NME9: variants seen among roughly 807,000 people sequenced by gnomAD.
The protein encoded by NME9 is thioredoxin domain-containing protein 6.
In NME9, 48 loss-of-function variants were observed where a neutral mutation model predicts 44.4. The observed-to-expected ratio is 1.08, with a 90% CI of 0.86 to 1.37. The LOEUF is 1.37. Ranked by LOEUF, NME9 falls within the 40% of genes most tolerant of loss-of-function variation. The probability of loss-of-function intolerance (pLI) is 0.00; values close to 1 mark genes in which losing one functional copy is unlikely to be tolerated. For missense variants in NME9, 325 were observed against 405.2 expected, an observed-to-expected ratio of 0.80 and a Z score of 1.70; for synonymous variants, 139 against 147.1, an observed-to-expected ratio of 0.94 and a Z score of 0.40.
downstream of NME9, among the ~76,000 whole-genome samples, chr3:138,300,152 T>C (rs549707274): frequency 3.9e-5 from 6 of 152,244 alleles, no homozygotes; most frequent in East Asian, 5.8e-4. Flanking sequence ...GTTGGGCACA[T>C]TGAGATCCTG....
At chr3:138,291,166 C>T (rs904270313) in intron 8 of NME9, among the ~76,000 whole-genome samples, 1 of 152,178 alleles carries the variant, frequency 6.6e-6, no homozygotes, top group Non-Finnish European at 1.5e-5. Context: ...GTGTGTTCTC[C>T]CTTGTAACAG....
chr3:138,306,145 C>T, intron 7 of NME9, 49 bp from the exon 8 acceptor site: 1 of 1,310,402 alleles, frequency 7.6e-7, no homozygotes, highest in Non-Finnish European at 1.1e-6. Flanking sequence ...AGCCCAAATT[C>T]ACATTGATTA....
chr3:138,302,320 A>C (rs1030835803), intron 10 of NME9, among the ~76,000 whole-genome samples: 2 of 152,188 alleles, frequency 1.3e-5, no homozygotes, highest in Non-Finnish European at 2.9e-5. Flanking sequence ...GAGGCCAAAA[A>C]GTCAGTCTCA....
At chr3:138,290,531 G>T (rs1434150388) in intron 8 of NME9, 2 of 1,578,796 alleles carry the variant, frequency 1.3e-6, no homozygotes, top group Non-Finnish European at 1.7e-6. Flanking sequence ...CAGTAACCTG[G>T]CTTTAATCGT....
rs2053980954 is a variant in NME9 at position 138,329,290 on chromosome 3, C to G, written c.33+13G>C. The G allele has an allele frequency of 6.5e-7, 1 of 1,535,554 alleles. No individual in the cohort carries two copies. Among genetic ancestry groups the G allele is most frequent in the African/African-American group, 1.4e-5 (1 of 73,034 alleles). ...CAACCCAGAGCTGGAAGCTAGCGCC[C>G]CTTGAGGCTTACCTGCAGGGCAATT... On this transcript the variant is annotated intron_variant, in intron 1 of 10. Coordinates refer to ENST00000333911, the MANE Select transcript of NME9 (RefSeq NM_001349018.2).
At chr3:138,289,232 C>A in intron 8 of NME9, 1 of 786,256 alleles carries the variant, frequency 1.3e-6, no homozygotes. Context: ...CTTGGACCAT[C>A]TGGCCCAAGC....
chr3:138,291,117 C>CA (rs2050903578), intron 8 of NME9, among the ~76,000 whole-genome samples: 1 of 152,234 alleles, frequency 6.6e-6, no homozygotes, highest in Admixed American at 6.5e-5. Context: ...ATCAGATACT[C>CA]AGCTAACCTC....
At chr3:138,272,723 A>G (rs1041112044) in intron 8 of NME9, among the ~76,000 whole-genome samples, 6 of 152,100 alleles carry the variant, frequency 3.9e-5, no homozygotes, top group African/African-American at 1.4e-4. Context: ...AAAGATACAA[A>G]AATTAGCCAG....
chr3:138,290,105 G>A (rs1165568731), intron 8 of NME9, among the ~76,000 whole-genome samples: 2 of 152,352 alleles, frequency 1.3e-5, no homozygotes, highest in Non-Finnish European at 2.9e-5. Context: ...GCAACAAAAA[G>A]TGCTGGGAGG....
At chr3:138,315,476 C>T in intron 5 of NME9, 51 bp downstream of exon 5, 2 of 1,252,738 alleles carry the variant, frequency 1.6e-6, no homozygotes, top group Non-Finnish European at 2.2e-6. Context: ...CTGATCTCGC[C>T]CTACTAGCGC....
chr3:138,306,110 A>G lies in NME9; in HGVS notation c.544-14T>C, dbSNP rs758815171. ...AGCTTCCTGAATCTGTAGAATATAT[A>G]TAAATATTCTAAAAGGGTAAATCAA... On this transcript the variant is annotated splice_polypyrimidine_tract_variant and intron_variant, in intron 7 of 10. Transcript: ENST00000333911. 3.2e-6 allele frequency: 5 copies of G among 1,550,004 alleles called. No individual in the cohort carries two copies. The African/African-American group carries it at 4.1e-5, about 13-fold the overall frequency.
intron 9 of NME9, among the ~76,000 whole-genome samples, chr3:138,304,388 G>C (rs1292063847): frequency 1.3e-5 from 2 of 152,206 alleles, no homozygotes; most frequent in African/African-American, 4.8e-5. Flanking sequence ...CAAGTCCAAG[G>C]AGCAGGCCAA....
At chr3:138,284,549 C>T (rs77176250) in intron 8 of NME9, 41,798 of 1,533,824 alleles carry the variant, frequency 0.027, 782 homozygotes, top group South Asian at 0.071. Flanking sequence ...CCCCTTTCAC[C>T]GTAGGATTAG....
chr3:138,297,722 A>G (rs889516567), downstream of NME9: 1 of 152,220 alleles, frequency 6.6e-6, no homozygotes, highest in Non-Finnish European at 1.5e-5. Context: ...CAGATATCAG[A>G]GTGCTAATGT....
Position 138,289,060 on chromosome 3 carries a change from G to A in NME9, c.745+14447C>T, listed in dbSNP as rs758554986. ...TCTGTATTAATAGGGCCATTCACATGTTAAACTGCAGCTTGCAGCCATGTT... is the reference window on the plus strand; with the variant it reads ...TCTGTATTAATAGGGCCATTCACATATTAAACTGCAGCTTGCAGCCATGTT... On this transcript the variant is annotated intron_variant, in intron 8 of 8. Transcript: ENST00000317876. 1.9e-6 allele frequency: 3 copies of A among 1,612,770 alleles called. No homozygotes were observed. In the South Asian group the frequency reaches 3.3e-5, roughly 18 times the overall value.
At chr3:138,273,886 C>T (rs533783797) in intron 8 of NME9, among the ~76,000 whole-genome samples, 15 of 151,708 alleles carry the variant, frequency 9.9e-5, no homozygotes, top group South Asian at 6.3e-4. Flanking sequence ...GCACAGTCTC[C>T]GGTCATTGCA....
intron 9 of NME9, 120 bp downstream of exon 9, chr3:138,304,752 AG>A (rs1206193002): frequency 3.1e-6 from 3 of 962,098 alleles, no homozygotes; most frequent in Non-Finnish European, 4.8e-6. Flanking sequence ...TATAATAGAG[AG>A]CCTGGCCATC....
intron 8 of NME9, among the ~76,000 whole-genome samples, chr3:138,268,757 C>T (rs2048511887): frequency 6.6e-6 from 1 of 151,580 alleles, no homozygotes; most frequent in African/African-American, 2.4e-5. Context: ...GGCTGGGCTT[C>T]AGAGCGAGAC....
intron 8 of NME9, among the ~76,000 whole-genome samples, chr3:138,288,435 A>C (rs184779852): frequency 6.6e-6 from 1 of 152,160 alleles, no homozygotes; most frequent in Non-Finnish European, 1.5e-5. Flanking sequence ...TGCAAACTGT[A>C]CCCATAGCCC....
Sources: gnomAD v4.1 joint callset for allele counts (sites outside exome capture counted in the v4.1 genomes callset) on GRCh38, gnomAD v4.1.1 for gene constraint, MANE v1.5 for transcripts, NCBI Gene and HGNC (gene_info 2026-07-23, HGNC 2026-07-21) for gene names.